ACYP2: variants seen among roughly 807,000 people sequenced by gnomAD.
The protein encoded by ACYP2 is acylphosphatase-2.
Under a neutral mutation model 11.2 loss-of-function variants are expected in ACYP2, and 12 were observed. The observed-to-expected ratio is 1.08, with a 90% CI of 0.69 to 1.74. The LOEUF (loss-of-function observed/expected upper bound fraction) is 1.74. Among genes scored for constraint, ACYP2 ranks in the 40% most tolerant of loss-of-function variants. The pLI, the probability that ACYP2 is intolerant of heterozygous loss-of-function variation, is 0.00. For synonymous variants in ACYP2, 43 were observed against 32.2 expected (o/e 1.33, Z -1.13); for missense variants, 134 against 101.9 (o/e 1.31, Z -1.35).
At chr2:54,080,624 G>A (rs1163388024) in intron 4 of ACYP2, among the ~76,000 whole-genome samples, 1 of 152,068 alleles carries the variant, frequency 6.6e-6, no homozygotes, top group East Asian at 1.9e-4. Flanking sequence ...GAGTAGCTGG[G>A]ATTACAGGCA....
intron 4 of ACYP2, among the ~76,000 whole-genome samples, chr2:54,134,030 A>T (rs1164585157): frequency 6.6e-6 from 1 of 152,168 alleles, no homozygotes; most frequent in Non-Finnish European, 1.5e-5. Flanking sequence ...CATAACCAAG[A>T]CCAATGATAC....
At chr2:54,013,619 C>A (rs1171435862) in intron 2 of ACYP2, among the ~76,000 whole-genome samples, 1 of 151,456 alleles carries the variant, frequency 6.6e-6, no homozygotes, top group Non-Finnish European at 1.5e-5. Flanking sequence ...TAAACTTTAA[C>A]CGATGTATTA....
chr2:54,124,049 A>G (rs1413563877), intron 4 of ACYP2, among the ~76,000 whole-genome samples: 4 of 152,208 alleles, frequency 2.6e-5, no homozygotes, highest in African/African-American at 7.2e-5. Flanking sequence ...CTTCTAAACA[A>G]TTATTACATT....
At chr2:54,148,903 T>C (rs1682020621) in intron 6 of ACYP2, among the ~76,000 whole-genome samples, 1 of 152,234 alleles carries the variant, frequency 6.6e-6, no homozygotes, top group Non-Finnish European at 1.5e-5. Context: ...TTTGTAGCTA[T>C]ATATTAGGTT....
intron 2 of ACYP2, among the ~76,000 whole-genome samples, chr2:54,049,192 C>T (rs144708050): frequency 2.2e-4 from 33 of 152,132 alleles, no homozygotes; most frequent in African/African-American, 7.0e-4. Context: ...ACCCGGGAGG[C>T]GGAGACTGCA....
chr2:54,031,206 A>G (rs568794651), intron 2 of ACYP2, among the ~76,000 whole-genome samples: 251 of 152,146 alleles, frequency 1.6e-3, no homozygotes, highest in African/African-American at 5.8e-3. Context: ...TACATGTGCC[A>G]TGTTGGTGTG....
At chr2:54,294,136 T>G (rs993217893) in intron 6 of ACYP2, among the ~76,000 whole-genome samples, 2 of 152,202 alleles carry the variant, frequency 1.3e-5, no homozygotes, top group African/African-American at 4.8e-5. Context: ...CACCCCACTT[T>G]AGTCCCAGGG....
intron 6 of ACYP2, among the ~76,000 whole-genome samples, chr2:54,288,286 C>T (rs766549658): frequency 1.3e-5 from 2 of 151,978 alleles, no homozygotes; most frequent in Non-Finnish European, 2.9e-5. Flanking sequence ...CAAGGCATAT[C>T]CTCCATATAG....
At chr2:54,227,546 A>T (rs1204628243) in intron 6 of ACYP2, among the ~76,000 whole-genome samples, 3 of 152,058 alleles carry the variant, frequency 2.0e-5, no homozygotes, top group African/African-American at 7.2e-5. Flanking sequence ...AGGCTGAGGC[A>T]GAGGAATCGC....
chr2:54,267,976 C>T (rs576693845), intron 6 of ACYP2, among the ~76,000 whole-genome samples: 1 of 152,226 alleles, frequency 6.6e-6, no homozygotes, highest in Admixed American at 6.5e-5. Flanking sequence ...CAAATAAAGT[C>T]CAAGTAATGC....
At chr2:53,974,404 G>T (rs918041340) in intron 2 of ACYP2, among the ~76,000 whole-genome samples, 1 of 152,132 alleles carries the variant, frequency 6.6e-6, no homozygotes, top group African/African-American at 2.4e-5. Context: ...GGAATGTTTG[G>T]TACTGGAAGT....
At chr2:54,231,616 A>G (rs1265172852) in intron 6 of ACYP2, among the ~76,000 whole-genome samples, 4 of 152,236 alleles carry the variant, frequency 2.6e-5, no homozygotes, top group Non-Finnish European at 5.9e-5. Flanking sequence ...TGGGAATGAT[A>G]TCGAATTTGT....
chr2:54,026,333 A>C (rs567122000), intron 2 of ACYP2, among the ~76,000 whole-genome samples: 5 of 152,158 alleles, frequency 3.3e-5, no homozygotes, highest in African/African-American at 9.7e-5. Flanking sequence ...AACATCACTA[A>C]TTATTGGTGA....
chr2:54,280,369 G>A (rs1417101133), intron 6 of ACYP2, among the ~76,000 whole-genome samples: 1 of 152,146 alleles, frequency 6.6e-6, no homozygotes, highest in East Asian at 1.9e-4. Flanking sequence ...GGAGGTGTGG[G>A]TGGGAAGGGG....
At chr2:54,258,422 G>A (rs1687647914) in intron 6 of ACYP2, among the ~76,000 whole-genome samples, 1 of 152,176 alleles carries the variant, frequency 6.6e-6, no homozygotes, top group South Asian at 2.1e-4. Context: ...GAAATAACAA[G>A]GAGGCCAGCG....
In ACYP2 at chr2:54,267,396, G is replaced by A. The variant is rs935759446; in HGVS notation, c.405-37292G>A. The A allele has an allele frequency of 1.1e-5, 17 of 1,523,308 alleles. No homozygotes were observed. The African/African-American group carries it at 2.2e-4, about 20-fold the overall frequency. The allele number at this position is 1,523,308 out of a possible 1,614,324, so 94.4% of individuals were successfully genotyped here. A position where few individuals can be genotyped will look rare whatever the true frequency, so the allele number is the denominator to read the frequency against. ...AGGTTTCTACTTTCAAATGAGAAGGGCTTATACATCCTAAAGTAAGGGGTG... is the reference window on the plus strand; with the variant it reads ...AGGTTTCTACTTTCAAATGAGAAGGACTTATACATCCTAAAGTAAGGGGTG... On this transcript the variant is annotated intron_variant, in intron 6 of 6. Coordinates refer to ENST00000607452, the MANE Select transcript of ACYP2 (RefSeq NM_001320586.2).
At chr2:53,994,148 G>A (rs1444622106) in intron 2 of ACYP2, among the ~76,000 whole-genome samples, 1 of 151,952 alleles carries the variant, frequency 6.6e-6, no homozygotes, top group Non-Finnish European at 1.5e-5. Flanking sequence ...GGCTAACACG[G>A]TGAAAACCCT....
intron 6 of ACYP2, among the ~76,000 whole-genome samples, chr2:54,299,197 G>A (rs1462966667): frequency 6.6e-6 from 1 of 152,118 alleles, no homozygotes; most frequent in African/African-American, 2.4e-5. Flanking sequence ...TAGCTTCTAG[G>A]CAGGAAATAG....
chr2:54,221,520 C>CTTTTTTT lies in ACYP2; in HGVS notation c.404+82785_404+82791dup, dbSNP rs548466074. Reference sequence around the variant, plus strand: ...ATTACAAATTTTATTGAATAAAATTCTTTTTTTTTTTTTTTTTTTAAACAC... The same window carrying CTTTTTTT: ...ATTACAAATTTTATTGAATAAAATTCTTTTTTTTTTTTTTTTTTTTTTTTTTAAACAC... On this transcript the variant is annotated intron_variant, in intron 6 of 6. Coordinates refer to ENST00000607452, the MANE Select transcript of ACYP2 (RefSeq NM_001320586.2). Among the ~76,000 whole-genome samples, 465 of 127,264 alleles carry CTTTTTTT rather than the reference C, an allele frequency of 3.7e-3. 7 individuals carry two copies. The highest frequency in any genetic ancestry group is 0.013 in the African/African-American group (427 of 33,788). 83.5% of individuals were successfully genotyped at this position (127,264 alleles called of 152,430 possible). A position where few individuals can be genotyped will look rare whatever the true frequency, so the allele number is the denominator to read the frequency against.
Sources: allele counts gnomAD v4.1 joint callset (sites outside exome capture counted in the v4.1 genomes callset), GRCh38; gene constraint gnomAD v4.1.1; transcripts MANE v1.5; gene names NCBI Gene and HGNC (gene_info 2026-07-23, HGNC 2026-07-21).